Variants in MAP3K5 observed in about 807,000 individuals in gnomAD.
The protein encoded by MAP3K5 is ASK-1.
MAP3K5 carries 56 observed loss-of-function variants against 158.7 expected under a neutral mutation model. That is an observed-to-expected ratio of 0.35 (90% CI 0.28 to 0.44). The LOEUF is 0.44. Ranked by LOEUF, MAP3K5 falls within the 20% of genes least tolerant of loss-of-function variation. The probability of loss-of-function intolerance (pLI) is 1.00; values close to 1 mark genes in which losing one functional copy is unlikely to be tolerated. For synonymous variants in MAP3K5, 579 were observed against 601.7 expected, an observed-to-expected ratio of 0.96 and a Z score of 0.55; for missense variants, 1,294 against 1,674.8, an observed-to-expected ratio of 0.77 and a Z score of 3.97.
intron 8 of MAP3K5, among the ~76,000 whole-genome samples, chr6:136,668,544 G>A (rs79172935): frequency 1.1e-3 from 175 of 152,224 alleles, no homozygotes; most frequent in African/African-American, 3.8e-3. Flanking sequence ...AAAGGAGGTC[G>A]TTAGACACCC....
At chr6:136,695,064 G>A (rs1258048456) in intron 6 of MAP3K5, among the ~76,000 whole-genome samples, 1 of 151,910 alleles carries the variant, frequency 6.6e-6, no homozygotes, top group African/African-American at 2.4e-5. Flanking sequence ...AATGGAAGGG[G>A]GGCTGCTAAT....
At chr6:136,614,108 C>T in intron 16 of MAP3K5, 51 bp downstream of exon 16, 2 of 1,589,678 alleles carry the variant, frequency 1.3e-6, no homozygotes, top group Non-Finnish European at 1.7e-6. Flanking sequence ...ATTTTACTCC[C>T]CTCCGAAGCT....
At chr6:136,639,516 T>G in intron 13 of MAP3K5, 27 bp downstream of exon 13, 1 of 1,333,770 alleles carries the variant, frequency 7.5e-7, no homozygotes, top group Non-Finnish European at 1.1e-6. Context: ...AGAAGAATCT[T>G]TTTCACACAC....
chr6:136,629,812 G>T (rs1777246172), intron 14 of MAP3K5, among the ~76,000 whole-genome samples: 1 of 131,436 alleles, frequency 7.6e-6, no homozygotes, highest in Admixed American at 8.0e-5. Context: ...TATTTATTTA[G>T]AGTCTCACTC....
chr6:136,622,048 TG>T (rs1422392035), intron 15 of MAP3K5, among the ~76,000 whole-genome samples: 2 of 148,378 alleles, frequency 1.3e-5, no homozygotes, highest in Non-Finnish European at 3.0e-5. Context: ...ATCGTGCCAC[TG>T]AACTCCAGCC....
At chr6:136,733,659 G>A (rs961035787) in intron 1 of MAP3K5, among the ~76,000 whole-genome samples, 6 of 151,760 alleles carry the variant, frequency 4.0e-5, no homozygotes, top group Non-Finnish European at 8.8e-5. Context: ...GCTGTTTTAG[G>A]TTCATGGCAA....
In MAP3K5 at chr6:136,699,874, G is replaced by C. The variant is rs189415169; in HGVS notation, c.613-1192C>G. ...TTTGGGAAGCCAAGGCGGGCAGATT[G>C]CTTGAAGCCAGGAGTTCAAGATCAG... On this transcript the variant is annotated intron_variant, in intron 3 of 29. Coordinates refer to ENST00000359015, the MANE Select transcript of MAP3K5 (RefSeq NM_005923.4). Among the ~76,000 whole-genome samples the C allele has an allele frequency of 2.4e-3, 363 of 152,244 alleles. 2 individuals are homozygous for C. The highest frequency in any genetic ancestry group is 0.017 in the Middle Eastern group (5 of 294).
chr6:136,679,247 C>A (rs1779832267), intron 7 of MAP3K5, among the ~76,000 whole-genome samples: 1 of 152,168 alleles, frequency 6.6e-6, no homozygotes, highest in African/African-American at 2.4e-5. Context: ...TGCATCCGCA[C>A]TGAGACATTC....
At position 136,792,178 on chromosome 6, in the gene MAP3K5, C is replaced by T. The variant is rs1347505914; in HGVS notation, c.-21G>A. 6.5e-7 allele frequency: 1 copy of T among 1,530,988 alleles called. No homozygotes were observed. Among genetic ancestry groups the T allele is most frequent in the Non-Finnish European group, 8.8e-7 (1 of 1,142,538 alleles). 94.8% of individuals were successfully genotyped at this position (1,530,988 alleles called of 1,614,324 possible). On this transcript the variant is annotated 5_prime_UTR_variant, in exon 1 of 30. Coordinates refer to ENST00000359015, the MANE Select transcript of MAP3K5 (RefSeq NM_005923.4). This position sits in a 1 kb window ranked among gnomAD's most constrained non-coding sequence, Gnocchi z 5.7. ...CTCATCTCTCCGGGCCGGGCAGCAACGGCGGCGGCGTCCCCCGCCCAGCCG... is the reference window on the plus strand; with the variant it reads ...CTCATCTCTCCGGGCCGGGCAGCAATGGCGGCGGCGTCCCCCGCCCAGCCG...
chr6:136,583,120 G>GA (rs978213065), intron 24 of MAP3K5, among the ~76,000 whole-genome samples: 49 of 152,178 alleles, frequency 3.2e-4, no homozygotes, highest in Admixed American at 2.6e-3. Flanking sequence ...AGAAAAACTG[G>GA]AAAAAAATTA....
rs113944889 is a variant in MAP3K5 at position 136,773,363 on chromosome 6, A to C, written c.448+18347T>G. 5.6e-3 allele frequency among the ~76,000 whole-genome samples: 849 copies of C among 152,238 alleles called. 6 individuals carry two copies. The highest frequency in any genetic ancestry group is 0.019 in the African/African-American group (808 of 41,526). ...TTACATGCCTTCTGTTGTTCTCCAG[A>C]AATCAGTCAAGTCACCGTACCTGAC... On this transcript the variant is annotated intron_variant, in intron 1 of 29. Transcript: ENST00000359015.
chr6:136,629,953 T>C (rs974917945), intron 14 of MAP3K5, among the ~76,000 whole-genome samples: 1 of 151,906 alleles, frequency 6.6e-6, no homozygotes, highest in African/African-American at 2.4e-5. Context: ...GGTTTCGCCA[T>C]TTTAGCCAGG....
intron 7 of MAP3K5, among the ~76,000 whole-genome samples, chr6:136,670,393 C>A (rs1184838177): frequency 6.6e-6 from 1 of 151,572 alleles, no homozygotes; most frequent in African/African-American, 2.4e-5. Context: ...GAGGCCAATG[C>A]ATGAAAAATG....
chr6:136,590,495 T>C (rs1775335393), intron 23 of MAP3K5, among the ~76,000 whole-genome samples: 2 of 152,038 alleles, frequency 1.3e-5, no homozygotes, highest in Non-Finnish European at 1.5e-5. Context: ...AATTGATTCC[T>C]GGTAGGGGCC....
At chr6:136,604,767 CTTTT>C (rs67820384) in intron 19 of MAP3K5, among the ~76,000 whole-genome samples, 1 of 151,658 alleles carries the variant, frequency 6.6e-6, no homozygotes, top group East Asian at 1.9e-4. Flanking sequence ...TAATTATGCT[CTTTT>C]TTTTTTAAAA....
At chr6:136,655,980 G>A (rs1489640901) in intron 10 of MAP3K5, among the ~76,000 whole-genome samples, 1 of 152,136 alleles carries the variant, frequency 6.6e-6, no homozygotes, top group Non-Finnish European at 1.5e-5. Flanking sequence ...CGTGACTGCA[G>A]TATTAAGGAA....
intron 26 of MAP3K5, among the ~76,000 whole-genome samples, chr6:136,564,457 G>T (rs1231198157): frequency 1.3e-5 from 2 of 152,240 alleles, no homozygotes; most frequent in Non-Finnish European, 2.9e-5. Flanking sequence ...GGAGCACAGG[G>T]TCTTGGAGGG....
chr6:136,621,007 T>C (rs550384483), intron 15 of MAP3K5, among the ~76,000 whole-genome samples: 3 of 152,284 alleles, frequency 2.0e-5, no homozygotes, highest in South Asian at 2.1e-4. Flanking sequence ...TCTTCAAGCA[T>C]AGGTTGGTGC....
chr6:136,618,663 A>G (rs9402835), intron 15 of MAP3K5, among the ~76,000 whole-genome samples: 3,466 of 152,348 alleles, frequency 0.023, 78 homozygotes, highest in East Asian at 0.09. Flanking sequence ...CTATCTATAC[A>G]TATGCTCCTT....
Sources: gnomAD v4.1 joint callset for allele counts (sites outside exome capture counted in the v4.1 genomes callset) on GRCh38, gnomAD v4.1.1 for gene constraint, Gnocchi (gnomAD v3.1) non-coding constraint, MANE v1.5 for transcripts, NCBI Gene and HGNC (gene_info 2026-07-23, HGNC 2026-07-21) for gene names.